ULK1: variants seen among roughly 807,000 people sequenced by gnomAD.
ULK1 encodes the protein serine/threonine-protein kinase ULK1.
Under a neutral mutation model 117.5 loss-of-function variants are expected in ULK1, and 48 were observed. The observed-to-expected ratio is 0.41, with a 90% confidence interval of 0.32 to 0.52. The LOEUF is 0.52. Ranked by LOEUF, ULK1 falls within the 20% of genes least tolerant of loss-of-function variation. ULK1 has a pLI of 0.29. For missense variants in ULK1, 1,387 were observed against 1,473.4 expected, an observed-to-expected ratio of 0.94 and a Z score of 0.96; for synonymous variants, 790 against 637.8, an observed-to-expected ratio of 1.24 and a Z score of -3.60.
At chr12:131,913,280 C>T (rs773492607) in intron 14 of ULK1, 22 bp downstream of exon 14, 3 of 1,533,758 alleles carry the variant, frequency 2.0e-6, no homozygotes, top group Non-Finnish European at 1.7e-6. Context: ...TCCCTTACCT[C>T]TGTATTTTAG....
intron 23 of ULK1, 93 bp downstream of exon 23, chr12:131,918,774 G>A: frequency 8.0e-7 from 1 of 1,252,678 alleles, no homozygotes; most frequent in Non-Finnish European, 1.1e-6. Flanking sequence ...GGTGTGTGGG[G>A]TGTCGGGTGT....
Position 131,919,598 on chromosome 12 carries a change from C to G in ULK1, c.2803+8C>G. 1 of 1,610,358 alleles carries G rather than the reference C, an allele frequency of 6.2e-7. No individual in the cohort carries two copies. Among genetic ancestry groups the G allele is most frequent in the Non-Finnish European group, 8.5e-7 (1 of 1,179,162 alleles). On this transcript the variant is annotated splice_region_variant and intron_variant, in intron 25 of 27. Coordinates refer to ENST00000321867, the MANE Select transcript of ULK1 (RefSeq NM_003565.4). ...CGTCCACTGTGAAGCAGGGTGAGGG[C>G]TGCGACCGCTCAGCCCACATGCCGG... is the stretch of plus-strand genomic sequence containing the variant.
intron 5 of ULK1, among the ~76,000 whole-genome samples, chr12:131,908,012 G>T (rs887152774): frequency 2.0e-5 from 3 of 148,958 alleles, no homozygotes; most frequent in Non-Finnish European, 4.5e-5. Context: ...GGTGGGTGGG[G>T]CGCCGGCGGC....
chr12:131,908,013 C>A (rs1346231227), intron 5 of ULK1, among the ~76,000 whole-genome samples: 1 of 151,400 alleles, frequency 6.6e-6, no homozygotes, highest in Non-Finnish European at 1.5e-5. Flanking sequence ...GTGGGTGGGG[C>A]GCCGGCGGCC....
rs528286619 is a variant in ULK1 at position 131,919,322 on chromosome 12, T to G, written c.2622T>G (p.Pro874=). The change falls in exon 24 of 28, where the codon CCT becomes CCG. Residue 874 remains proline, a synonymous_variant. Transcript: ENST00000321867. ...GCGCCAGTGAGGCGGCGGGGGGCCC[T>G]GAGTACCAGCTGCAGGAGAGTGTGG... ...KGSASEAAGG[P]EYQLQESVVA... 1 of 1,582,412 alleles carries G rather than the reference T, an allele frequency of 6.3e-7. No individual in the cohort carries two copies. The highest frequency in any genetic ancestry group is 1.7e-5 in the Admixed American group (1 of 57,444).
At position 131,908,641 on chromosome 12, in the gene ULK1, C is replaced by T; in HGVS notation, c.317-3C>T. ...CCAGGCCCTGAGCCGCCTCTCCCCG[C>T]AGCCATGCGCACGCTGAGCGAGGAC... On this transcript the variant is annotated splice_polypyrimidine_tract_variant and splice_region_variant and intron_variant, in intron 5 of 27. Transcript: ENST00000321867. 6.6e-7 allele frequency: 1 copy of T among 1,505,470 alleles called. No individual in the cohort carries two copies. The highest frequency in any genetic ancestry group is 8.8e-7 in the Non-Finnish European group (1 of 1,132,948). 93.3% of individuals were successfully genotyped at this position (1,505,470 alleles called of 1,614,324 possible). A position where few individuals can be genotyped will look rare whatever the true frequency, so the allele number is the denominator to read the frequency against.
At chr12:131,911,552 C>T (rs1038471295) in intron 12 of ULK1, among the ~76,000 whole-genome samples, 2 of 152,208 alleles carry the variant, frequency 1.3e-5, no homozygotes, top group Non-Finnish European at 2.9e-5. Flanking sequence ...ACCGGGGTGG[C>T]AGCCTCTCCA....
intron 5 of ULK1, 147 bp from the exon 6 acceptor site, chr12:131,908,497 T>C: frequency 1.0e-6 from 1 of 986,468 alleles, no homozygotes; most frequent in Non-Finnish European, 1.4e-6. Flanking sequence ...CGTGGTGGCT[T>C]GTGCCCCTCC....
rs1392283415 is a variant in ULK1, at chr12:131,919,225, A to G, written c.2525A>G (p.Glu842Gly). ...CGCTTCCTGCAGCAAGAGCACACGGAGATCCTGCGTGGCCTGCGCTTCACG... is the reference window on the plus strand; with the variant it reads ...CGCTTCCTGCAGCAAGAGCACACGGGGATCCTGCGTGGCCTGCGCTTCACG... ...EETLMEQEHT[E>G]ILRGLRFTLL... The change falls in exon 24 of 28, where the codon GAG (glutamate) becomes GGG (glycine). Residue 842 changes from glutamate to glycine, a missense_variant. Coordinates refer to ENST00000321867, the MANE Select transcript of ULK1 (RefSeq NM_003565.4). 1.0e-5 allele frequency: 16 copies of G among 1,595,440 alleles called. No individual in the cohort carries two copies. The highest frequency in any genetic ancestry group is 1.3e-5 in the Non-Finnish European group (15 of 1,176,836).
At position 131,902,332 on chromosome 12, in the gene ULK1, G is replaced by A. The variant is rs537704560; in HGVS notation, c.247-4560G>A. On this transcript the variant is annotated intron_variant, in intron 3 of 27. Coordinates refer to ENST00000321867, the MANE Select transcript of ULK1 (RefSeq NM_003565.4). This position sits in a 1 kb window ranked among gnomAD's most constrained non-coding sequence, Gnocchi z 6.3. The stretch of plus-strand genomic sequence containing the variant: ...GCCCAGGATCACCAGACAAGAGTAG[G>A]GCTGGCAGAGGGTGGGAGCCTGGAT... 3.8e-3 allele frequency among the ~76,000 whole-genome samples: 581 copies of A among 152,300 alleles called. 5 individuals carry two copies. The highest frequency in any genetic ancestry group is 0.014 in the African/African-American group (564 of 41,568).
At chr12:131,915,024 G>A (rs541013383) in intron 16 of ULK1, 59 bp from the exon 17 acceptor site, 169 of 1,505,906 alleles carry the variant, frequency 1.1e-4, no homozygotes, top group Middle Eastern at 1.8e-4. Flanking sequence ...GTCCTCTGCC[G>A]TCCACAGGTC....
rs115752681 is a variant in ULK1 at position 131,896,878 on chromosome 12, G to A, written c.246+1054G>A. ...AGCAAGGAGTGGACAGCTGTCCCTG[G>A]CCAGGCAGCGACTCTGAGGGACTCC... On this transcript the variant is annotated intron_variant, in intron 3 of 27. Transcript: ENST00000321867. 9.2e-3 allele frequency: 1,410 copies of A among 152,512 alleles called. 24 individuals carry two copies. Among genetic ancestry groups the A allele is most frequent in the African/African-American group, 0.03 (1,229 of 41,512 alleles). The allele number at this position is 152,512 out of a possible 1,614,324, so 9.4% of individuals were successfully genotyped here. A position where few individuals can be genotyped will look rare whatever the true frequency, so the allele number is the denominator to read the frequency against.
Position 131,906,874 on chromosome 12 carries a change from C to T in ULK1, c.247-18C>T, listed in dbSNP as rs755192104. 12 of 1,613,942 alleles carry T rather than the reference C, an allele frequency of 7.4e-6. No homozygotes were observed. The South Asian group carries it at 1.2e-4, about 16-fold the overall frequency. On this transcript the variant is annotated intron_variant, in intron 3 of 27. Transcript: ENST00000321867. ...CGGTGGCACTGGGACCTCTCACAGC[C>T]TCTTTTCTGTCTTGCAGGAAATGGC... is the stretch of plus-strand genomic sequence containing the variant.
chr12:131,913,729 C>T lies in ULK1; in HGVS notation c.1158-18C>T, dbSNP rs1383667277. On this transcript the variant is annotated intron_variant, in intron 14 of 27. Coordinates refer to ENST00000321867, the MANE Select transcript of ULK1 (RefSeq NM_003565.4). ...AAAAAAACAAAAAAATGCCCTTGGCCTCCCTTCTGCCCCACAGGAGCTCAC... is the reference window on the plus strand; with the variant it reads ...AAAAAAACAAAAAAATGCCCTTGGCTTCCCTTCTGCCCCACAGGAGCTCAC... The T allele has an allele frequency of 1.3e-6, 2 of 1,482,670 alleles. No homozygotes were observed. The highest frequency in any genetic ancestry group is 1.3e-5 in the South Asian group (1 of 74,706). The allele number at this position is 1,482,670 out of a possible 1,614,324, so 91.8% of individuals were successfully genotyped here. A position where few individuals can be genotyped will look rare whatever the true frequency, so the allele number is the denominator to read the frequency against.
chr12:131,901,853 C>T (rs145652374), intron 3 of ULK1, among the ~76,000 whole-genome samples: 2,523 of 152,060 alleles, frequency 0.017, 35 homozygotes, highest in Middle Eastern at 0.034. Flanking sequence ...GAGGAGTTGG[C>T]GTCTTCCTGA....
chr12:131,906,737 G>A (rs554478537), intron 3 of ULK1, 155 bp from the exon 4 acceptor site: 35 of 859,264 alleles, frequency 4.1e-5, no homozygotes, highest in Non-Finnish European at 5.8e-5. Context: ...TACAAAGCAC[G>A]TGGCCCAGAG....
intron 20 of ULK1, 54 bp from the exon 21 acceptor site, chr12:131,916,899 C>G: frequency 6.6e-7 from 1 of 1,512,030 alleles, no homozygotes; most frequent in Non-Finnish European, 9.0e-7. Context: ...CTCTCGAGGT[C>G]CAGTTAGGGT....
chr12:131,901,039 CTTT>C (rs1231176159), intron 3 of ULK1, among the ~76,000 whole-genome samples: 1 of 143,742 alleles, frequency 7.0e-6, no homozygotes. Context: ...TTGTGTATAT[CTTT>C]TTTTTTTTTT....
chr12:131,906,988 G>A (rs937857871), intron 4 of ULK1, 64 bp downstream of exon 4: 4 of 1,604,532 alleles, frequency 2.5e-6, no homozygotes, highest in Non-Finnish European at 3.4e-6. Flanking sequence ...AGCCCCACAG[G>A]GAGGGACATG....
Sources: allele counts gnomAD v4.1 joint callset (sites outside exome capture counted in the v4.1 genomes callset), GRCh38; gene constraint gnomAD v4.1.1; non-coding constraint Gnocchi (gnomAD v3.1); transcripts MANE v1.5; gene names NCBI Gene and HGNC (gene_info 2026-07-23, HGNC 2026-07-21).